Variants in GHR observed in about 807,000 individuals in gnomAD.
GHR encodes GH receptor.
A neutral mutation model predicts 67.1 loss-of-function variants in GHR; 35 were observed. That is an observed-to-expected ratio of 0.52 (90% confidence interval 0.40 to 0.69). The LOEUF (loss-of-function observed/expected upper bound fraction) is 0.69, where lower values mean the gene tolerates loss of function less well. Among genes scored for constraint, GHR ranks in the 30% least tolerant of loss-of-function variants. GHR has a pLI of 0.00. For missense variants in GHR, 792 were observed against 764.6 expected, an observed-to-expected ratio of 1.04 and a Z score of -0.42; for synonymous variants, 272 against 269.1, an observed-to-expected ratio of 1.01 and a Z score of -0.10.
intron 3 of GHR, among the ~76,000 whole-genome samples, chr5:42,669,681 G>T (rs1756172208): frequency 6.6e-6 from 1 of 152,136 alleles, no homozygotes; most frequent in Non-Finnish European, 1.5e-5. Flanking sequence ...ACCATCAAAT[G>T]CTACCCATTA....
At chr5:42,475,403 G>A (rs1745258173) in intron 1 of GHR, among the ~76,000 whole-genome samples, 1 of 151,220 alleles carries the variant, frequency 6.6e-6, no homozygotes, top group South Asian at 2.1e-4. Flanking sequence ...CAGGGTCCTG[G>A]AAGGAACCCT....
At chr5:42,692,026 C>T (rs1437015677) in intron 4 of GHR, among the ~76,000 whole-genome samples, 1 of 152,190 alleles carries the variant, frequency 6.6e-6, no homozygotes, top group African/African-American at 2.4e-5. Context: ...TATCCCCCAC[C>T]TCTTCCATAC....
chr5:42,453,304 A>G (rs996994764), intron 1 of GHR, among the ~76,000 whole-genome samples: 1 of 152,068 alleles, frequency 6.6e-6, no homozygotes, highest in Non-Finnish European at 1.5e-5. Flanking sequence ...CTCATGGTAT[A>G]CAGTTTATTT....
chr5:42,547,352 A>C (rs1748783393), intron 1 of GHR, among the ~76,000 whole-genome samples: 2 of 152,198 alleles, frequency 1.3e-5, no homozygotes, highest in African/African-American at 4.8e-5. Context: ...ACACAGGAAA[A>C]TGAGTCACAC....
intron 2 of GHR, among the ~76,000 whole-genome samples, chr5:42,609,861 A>G (rs1265063386): frequency 2.6e-5 from 4 of 152,196 alleles, no homozygotes; most frequent in African/African-American, 9.7e-5. Context: ...GTCATATGGT[A>G]CAATATTCAA....
intron 2 of GHR, among the ~76,000 whole-genome samples, chr5:42,615,726 G>GAAAAAAAAAAA (rs1299880452): frequency 7.9e-6 from 1 of 127,308 alleles, no homozygotes; most frequent in African/African-American, 3.4e-5. Context: ...TAGAAATTTG[G>GAAAAAAAAAAA]AAAAAAACAA....
chr5:42,466,271 A>G (rs1744730554), intron 1 of GHR, among the ~76,000 whole-genome samples: 1 of 140,426 alleles, frequency 7.1e-6, no homozygotes, highest in Non-Finnish European at 1.6e-5. Context: ...AATATCTACA[A>G]TATCAAGGTT....
In GHR at chr5:42,719,400, C is replaced by T. The variant is rs765262388; in HGVS notation, c.1893C>T (p.Asp631=). The T allele has an allele frequency of 5.6e-6, 9 of 1,613,488 alleles. No individual in the cohort carries two copies. Among genetic ancestry groups the T allele is most frequent in the Admixed American group, 3.3e-5 (2 of 60,010 alleles). Reference sequence around the variant, plus strand: ...CATCATGTGGCTATGTGAGCACAGACCAACTGAACAAAATCATGCCTTAGC... The same window carrying T: ...CATCATGTGGCTATGTGAGCACAGATCAACTGAACAAAATCATGCCTTAGC... ...FLSSCGYVST[D]QLNKIMP Residue 631 remains aspartate (D), a synonymous_variant, in exon 10 of 10, where the codon GAC becomes GAT. Transcript: ENST00000230882.
chr5:42,713,729 A>C, intron 8 of GHR: 1 of 485,896 alleles, frequency 2.1e-6, no homozygotes, highest in Non-Finnish European at 3.7e-6. Context: ...TTTAGATTCT[A>C]TCTGGAGACT....
Position 42,494,047 on chromosome 5 carries a change from C to T in GHR, c.-12+70092C>T, listed in dbSNP as rs111890741. 4.2e-3 allele frequency among the ~76,000 whole-genome samples: 646 copies of T among 152,178 alleles called. 1 individual carries two copies. The highest frequency in any genetic ancestry group is 7.3e-3 in the Non-Finnish European group (494 of 68,014). On this transcript the variant is annotated intron_variant, in intron 1 of 9. Coordinates refer to ENST00000230882, the MANE Select transcript of GHR (RefSeq NM_000163.5). ...AGTTTATGTGCTCTAATGGATGCTC[C>T]GTAAATGCTTGAGAGAATATAAGTC...
intron 3 of GHR, among the ~76,000 whole-genome samples, chr5:42,651,311 G>T (rs1167879166): frequency 6.6e-6 from 1 of 152,146 alleles, no homozygotes; most frequent in Non-Finnish European, 1.5e-5. Context: ...CCAACATCTT[G>T]TAAATTCCAA....
intron 6 of GHR, among the ~76,000 whole-genome samples, chr5:42,701,809 G>A (rs1297927618): frequency 6.6e-6 from 1 of 152,006 alleles, no homozygotes; most frequent in Admixed American, 6.6e-5. Flanking sequence ...TAAAATGTAT[G>A]AACATTTAGA....
intron 4 of GHR, among the ~76,000 whole-genome samples, chr5:42,690,479 C>T (rs900715200): frequency 6.6e-5 from 10 of 152,056 alleles, no homozygotes; most frequent in Admixed American, 6.6e-4. Flanking sequence ...TTCTTCTTAT[C>T]GGTAGTATAG....
intron 2 of GHR, among the ~76,000 whole-genome samples, chr5:42,605,277 A>G (rs1752576209): frequency 1.3e-5 from 2 of 150,106 alleles, no homozygotes; most frequent in Non-Finnish European, 3.0e-5. Flanking sequence ...CTAATTTTGT[A>G]TTTTTTTTAG....
chr5:42,693,029 C>A (rs1757493495), intron 4 of GHR, among the ~76,000 whole-genome samples: 1 of 151,934 alleles, frequency 6.6e-6, no homozygotes, highest in South Asian at 2.1e-4. Flanking sequence ...TCTTCTGACT[C>A]TACATACACA....
Position 42,427,811 on chromosome 5 carries a change from G to A in GHR, c.-12+3856G>A, listed in dbSNP as rs1446528175. 2.6e-5 allele frequency among the ~76,000 whole-genome samples: 4 copies of A among 152,190 alleles called. No individual in the cohort carries two copies. In the South Asian group the frequency reaches 8.3e-4, roughly 32 times the overall value. ...TGCCCATTCCAAATGGGAGAAATTG[G>A]CCAAAACAGAGGGGCTATAGGTGCA... On this transcript the variant is annotated intron_variant, in intron 1 of 9. Coordinates refer to ENST00000230882, the MANE Select transcript of GHR (RefSeq NM_000163.5).
chr5:42,507,370 A>G (rs1746823758), intron 1 of GHR, among the ~76,000 whole-genome samples: 1 of 152,212 alleles, frequency 6.6e-6, no homozygotes, highest in Non-Finnish European at 1.5e-5. Context: ...TCCTATCTCT[A>G]CTTTTAACAA....
intron 2 of GHR, among the ~76,000 whole-genome samples, chr5:42,599,580 T>C (rs1580022558): frequency 6.6e-6 from 1 of 151,912 alleles, no homozygotes; most frequent in Non-Finnish European, 1.5e-5. Flanking sequence ...AGGCTGGTCT[T>C]GAACTCCTGA....
chr5:42,471,684 A>AGAACTGTAGCT (rs565606600), intron 1 of GHR, among the ~76,000 whole-genome samples: 87 of 152,354 alleles, frequency 5.7e-4, no homozygotes, highest in African/African-American at 2.0e-3. Flanking sequence ...TTAAGTGCCT[A>AGAACTGTAGCT]GAACTGTAGC....
Sources: allele counts gnomAD v4.1 joint callset (sites outside exome capture counted in the v4.1 genomes callset), GRCh38; gene constraint gnomAD v4.1.1; transcripts MANE v1.5; gene names NCBI Gene and HGNC (gene_info 2026-07-23, HGNC 2026-07-21).